Variants in HGF observed in about 807,000 individuals in gnomAD.
HGF encodes fibroblast-derived tumor cytotoxic factor.
In HGF, 39 loss-of-function variants were observed where a neutral mutation model predicts 111.6. That is an observed-to-expected ratio of 0.35 (90% confidence interval 0.27 to 0.46). HGF has a LOEUF of 0.46. HGF is among the 20% of genes least tolerant of loss of function. The probability of loss-of-function intolerance (pLI) is 1.00; values close to 1 mark genes in which losing one functional copy is unlikely to be tolerated. For missense variants in HGF, 735 were observed against 910.5 expected (o/e 0.81, Z 2.48); for synonymous variants, 285 against 294.8 (o/e 0.97, Z 0.34).
intron 7 of HGF, among the ~76,000 whole-genome samples, chr7:81,734,913 G>T (rs1787776433): frequency 1.3e-5 from 2 of 152,098 alleles, no homozygotes; most frequent in African/African-American, 4.8e-5. Flanking sequence ...CTATAGCTAA[G>T]AATAAGTCAA....
chr7:81,710,395 C>G (rs77730658), intron 12 of HGF, 152 bp from the exon 13 acceptor site: 2 of 666,584 alleles, frequency 3.0e-6, no homozygotes, highest in African/African-American at 3.6e-5. Flanking sequence ...TTAATATGAC[C>G]GCAGCATTAT....
intron 13 of HGF, among the ~76,000 whole-genome samples, chr7:81,708,157 C>T (rs977631295): frequency 3.9e-5 from 6 of 152,046 alleles, no homozygotes; most frequent in African/African-American, 1.4e-4. Flanking sequence ...GATTCCCAGA[C>T]TGAGACCACA....
intron 7 of HGF, among the ~76,000 whole-genome samples, chr7:81,741,906 C>G (rs1037842201): frequency 7.4e-6 from 1 of 134,452 alleles, no homozygotes; most frequent in African/African-American, 2.9e-5. Flanking sequence ...CCATTGCACT[C>G]CAGCTTGGAC....
chr7:81,750,632 C>T (rs1727600650), intron 5 of HGF, among the ~76,000 whole-genome samples: 1 of 152,124 alleles, frequency 6.6e-6, no homozygotes, highest in Non-Finnish European at 1.5e-5. Context: ...GAATGTTTTC[C>T]TTATAAACCC....
At chr7:81,715,597 A>G (rs543407123) in intron 11 of HGF, among the ~76,000 whole-genome samples, 14 of 152,126 alleles carry the variant, frequency 9.2e-5, no homozygotes, top group South Asian at 6.2e-4. Flanking sequence ...CCTATTAAAA[A>G]TAGATGGAGC....
chr7:81,705,480 C>A lies in HGF; in HGVS notation c.1920G>T (p.Glu640Asp). The change falls in exon 17 of 18, where the codon GAG becomes GAT. Residue 640 changes from glutamate to aspartate, a missense_variant. Coordinates refer to ENST00000222390, the MANE Select transcript of HGF (RefSeq NM_000601.6). ...TCCCTCGATGATGCTGGCTGCATTT[C>A]TCATTTCCCATTATATAGAGATGTG... ...RVAHLYIMGN[E>D]KCSQHHRGKV... The A allele has an allele frequency of 6.2e-7, 1 of 1,612,788 alleles. No individual in the cohort carries two copies. Among genetic ancestry groups the A allele is most frequent in the Admixed American group, 1.7e-5 (1 of 59,822 alleles).
At chr7:81,707,781 T>C (rs1025838588) in intron 13 of HGF, among the ~76,000 whole-genome samples, 2 of 152,178 alleles carry the variant, frequency 1.3e-5, no homozygotes, top group African/African-American at 4.8e-5. Flanking sequence ...GTTGAGTTCT[T>C]GTTTGAACCC....
chr7:81,768,226 G>A (rs894373611), intron 1 of HGF, among the ~76,000 whole-genome samples: 3 of 152,148 alleles, frequency 2.0e-5, no homozygotes, highest in African/African-American at 4.8e-5. Flanking sequence ...TCCACACTGC[G>A]TTCCCCTTGC....
At chr7:81,737,355 G>A (rs6948638) in intron 7 of HGF, among the ~76,000 whole-genome samples, 2 of 152,014 alleles carry the variant, frequency 1.3e-5, no homozygotes, top group African/African-American at 4.8e-5. Flanking sequence ...AATTGGAGTA[G>A]CTCATAGGTA....
chr7:81,730,990 A>T (rs1240889803), intron 7 of HGF, among the ~76,000 whole-genome samples: 1 of 152,146 alleles, frequency 6.6e-6, no homozygotes, highest in Non-Finnish European at 1.5e-5. Flanking sequence ...ATGCCTATGA[A>T]AGTTTTCTAT....
Position 81,762,894 on chromosome 7 carries a change from A to T in HGF, c.89-22T>A, listed in dbSNP as rs76745338. 1.7e-3 allele frequency: 2,323 copies of T among 1,349,622 alleles called. 35 individuals carry two copies. In the African/African-American group the frequency reaches 0.028, roughly 16 times the overall value. The allele number at this position is 1,349,622 out of a possible 1,614,324, so 83.6% of individuals were successfully genotyped here. On this transcript the variant is annotated intron_variant, in intron 1 of 17. Transcript: ENST00000222390. ...CCCTCTATTAAATACAAAATGTTTT[A>T]AAAAAATAAACATTGGAGAAATGTT...
chr7:81,705,813 A>AACAAAATCATCCAGGACAGCAGGCC, intron 15 of HGF, 60 bp from the exon 16 acceptor site: 1 of 997,296 alleles, frequency 1.0e-6, no homozygotes, highest in Non-Finnish European at 1.6e-6. Flanking sequence ...AAATTAACAT[A>AACAAAATCATCCAGGACAGCAGGCC]TTAAATGTAG....
chr7:81,720,618 A>G (rs972601989), intron 10 of HGF, 127 bp downstream of exon 10: 4 of 677,852 alleles, frequency 5.9e-6, no homozygotes, highest in African/African-American at 1.8e-5. Context: ...AGAAAAACCA[A>G]TCTAATGCTT....
In HGF at chr7:81,729,674, A is replaced by C; in HGVS notation, c.971T>G (p.Ile324Ser). Reference protein sequence around the residue: ...RGTVNTIWNGIPCQRWDSQYP... With the variant: ...RGTVNTIWNGSPCQRWDSQYP... ...CTGAGAATCCCAACGCTGACATGGA[A>C]TTCCATTCCAAATGGTATTGACAGT... The change falls in exon 8 of 18, where the codon ATT (isoleucine) becomes AGT (serine). Residue 324 changes from isoleucine to serine, a missense_variant. By Grantham distance (142) the Ile-to-Ser change is moderately radical (BLOSUM62 -2). This residue lies in a region of HGF where 553 missense variants were observed against 685.6 expected (regional missense o/e 0.81). Coordinates refer to ENST00000222390, the MANE Select transcript of HGF (RefSeq NM_000601.6). 1 of 1,613,960 alleles carries C rather than the reference A, an allele frequency of 6.2e-7. No homozygotes were observed. The highest frequency in any genetic ancestry group is 8.5e-7 in the Non-Finnish European group (1 of 1,179,848).
At chr7:81,763,030 T>G in intron 1 of HGF, 158 bp from the exon 2 acceptor site, 1 of 606,414 alleles carries the variant, frequency 1.6e-6, no homozygotes, top group Non-Finnish European at 2.9e-6. Context: ...TAGGGAATAG[T>G]TAAGAGAAAG....
chr7:81,722,722 G>A (rs1789896783), intron 9 of HGF, among the ~76,000 whole-genome samples: 1 of 146,284 alleles, frequency 6.8e-6, no homozygotes, highest in African/African-American at 2.5e-5. Flanking sequence ...GCTGAGGCAG[G>A]AGAATTGCTT....
intron 9 of HGF, among the ~76,000 whole-genome samples, chr7:81,722,474 A>G (rs1046747897): frequency 5.9e-5 from 9 of 151,836 alleles, no homozygotes; most frequent in African/African-American, 1.9e-4. Flanking sequence ...CATATTGTTC[A>G]TATTTTTAAT....
chr7:81,742,468 C>T (rs1009529711), intron 7 of HGF, among the ~76,000 whole-genome samples: 4 of 152,122 alleles, frequency 2.6e-5, no homozygotes, highest in Non-Finnish European at 4.4e-5. Context: ...TCCATATATA[C>T]ATAACTTTAT....
chr7:81,721,477 A>T (rs756630106), intron 9 of HGF, among the ~76,000 whole-genome samples: 16 of 152,218 alleles, frequency 1.1e-4, no homozygotes, highest in Non-Finnish European at 2.4e-4. Context: ...GTATTTCCCA[A>T]CATTTTCTTC....
Sources: gnomAD v4.1 joint callset for allele counts (sites outside exome capture counted in the v4.1 genomes callset) on GRCh38, gnomAD v4.1.1 for gene constraint, gnomAD v4.1.1 regional missense constraint, MANE v1.5 for transcripts, NCBI Gene and HGNC (gene_info 2026-07-23, HGNC 2026-07-21) for gene names.